Variants in CPNE8 observed in about 807,000 individuals in gnomAD.
CPNE8 encodes copine-8.
A neutral mutation model predicts 81.5 loss-of-function variants in CPNE8; 45 were observed. The observed-to-expected ratio is 0.55, with a 90% CI of 0.44 to 0.71. The LOEUF is 0.71. Ranked by LOEUF, CPNE8 falls within the 30% of genes least tolerant of loss-of-function variation. The pLI is 0.00. For synonymous variants in CPNE8, 252 were observed against 226.3 expected (o/e 1.11, Z -1.02); for missense variants, 594 against 672.1 (o/e 0.88, Z 1.28).
chr12:38,894,064 A>T (rs1944351210), intron 1 of CPNE8, among the ~76,000 whole-genome samples: 1 of 152,144 alleles, frequency 6.6e-6, no homozygotes, highest in Admixed American at 6.6e-5. Context: ...CCTCCAAGTA[A>T]TATCATAGGT....
At chr12:38,853,531 CTA>C (rs780395895) in intron 3 of CPNE8, among the ~76,000 whole-genome samples, 1 of 151,784 alleles carries the variant, frequency 6.6e-6, no homozygotes, top group South Asian at 2.1e-4. Flanking sequence ...AATTAGGAAA[CTA>C]TTCTTTTATT....
rs971731183 is a variant in CPNE8 at position 38,669,030 on chromosome 12, G to A, written c.1506+1699C>T. ...GATCACACCACTGCACTCCAGCCTGGGCAACAGCGAGACTCTGCCTCAAAA... is the reference window on the plus strand; with the variant it reads ...GATCACACCACTGCACTCCAGCCTGAGCAACAGCGAGACTCTGCCTCAAAA... On this transcript the variant is annotated intron_variant, in intron 19 of 19. Transcript: ENST00000331366. Among the ~76,000 whole-genome samples the A allele has an allele frequency of 4.1e-5, 6 of 147,922 alleles. No individual in the cohort carries two copies. In the East Asian group the frequency reaches 1.2e-3, roughly 29 times the overall value.
Position 38,676,515 on chromosome 12 carries a change from C to T in CPNE8, c.1375-741G>A, listed in dbSNP as rs112277197. 1.7e-3 allele frequency among the ~76,000 whole-genome samples: 264 copies of T among 152,250 alleles called. 1 individual carries two copies. The highest frequency in any genetic ancestry group is 6.0e-3 in the African/African-American group (251 of 41,540). ...AAAATAGTAGTAGTACCATAATCTACCTCATTTATACCCAAGGTTAGAAAA... is the reference window on the plus strand; with the variant it reads ...AAAATAGTAGTAGTACCATAATCTATCTCATTTATACCCAAGGTTAGAAAA... On this transcript the variant is annotated intron_variant, in intron 17 of 19. Transcript: ENST00000331366.
chr12:38,682,903 T>C (rs1300017920), intron 16 of CPNE8, among the ~76,000 whole-genome samples: 1 of 152,172 alleles, frequency 6.6e-6, no homozygotes, highest in African/African-American at 2.4e-5. Flanking sequence ...TGCACTTAAA[T>C]TTATGACAAG....
intron 3 of CPNE8, 58 bp from the exon 4 acceptor site, chr12:38,848,720 A>G (rs1393202184): frequency 6.1e-6 from 9 of 1,482,656 alleles, no homozygotes; most frequent in Non-Finnish European, 8.0e-6. Context: ...TATTACAAGT[A>G]TAGTACTTAA....
chr12:38,761,711 C>T (rs1161371837), intron 9 of CPNE8, among the ~76,000 whole-genome samples: 1 of 152,130 alleles, frequency 6.6e-6, no homozygotes, highest in Non-Finnish European at 1.5e-5. Flanking sequence ...CTCAGGACCA[C>T]CTTACCCAGC....
At chr12:38,884,760 A>G (rs764576401) in intron 1 of CPNE8, among the ~76,000 whole-genome samples, 60 of 152,246 alleles carry the variant, frequency 3.9e-4, no homozygotes, top group South Asian at 8.3e-4. Flanking sequence ...CCTGATCACC[A>G]CACGTTTTAT....
rs144902169 is a variant in CPNE8, at chr12:38,745,713, A to T, written c.722+15134T>A. Reference sequence around the variant, plus strand: ...GTGCACCACCATGCTGGGCTAATTTAAAAAAATTATTTGTAGAGACAAGGT... The same window carrying T: ...GTGCACCACCATGCTGGGCTAATTTTAAAAAATTATTTGTAGAGACAAGGT... On this transcript the variant is annotated intron_variant, in intron 10 of 19. Coordinates refer to ENST00000331366, the MANE Select transcript of CPNE8 (RefSeq NM_153634.3). Among the ~76,000 whole-genome samples the T allele has an allele frequency of 4.7e-3, 711 of 152,176 alleles. 5 individuals are homozygous for T. The highest frequency in any genetic ancestry group is 0.016 in the African/African-American group (660 of 41,526).
chr12:38,830,524 C>T (rs763404120), intron 5 of CPNE8, among the ~76,000 whole-genome samples: 10 of 152,130 alleles, frequency 6.6e-5, no homozygotes, highest in Non-Finnish European at 1.0e-4. Context: ...GGGAAAGACA[C>T]GTGCCTTCTA....
chr12:38,691,129 A>ATGTACATATGTAC (rs1939666350), intron 15 of CPNE8, among the ~76,000 whole-genome samples: 1 of 152,214 alleles, frequency 6.6e-6, no homozygotes, highest in Non-Finnish European at 1.5e-5. Context: ...TCATGGTGTT[A>ATGTACATATGTAC]ATATAAGCAT....
At chr12:38,748,552 G>A (rs1310167081) in intron 10 of CPNE8, among the ~76,000 whole-genome samples, 2 of 151,736 alleles carry the variant, frequency 1.3e-5, no homozygotes, top group African/African-American at 4.8e-5. Context: ...CCAGGCTGGA[G>A]TGCAGTGGCG....
At chr12:38,707,885 A>C (rs1009392695) in intron 13 of CPNE8, among the ~76,000 whole-genome samples, 3 of 152,184 alleles carry the variant, frequency 2.0e-5, no homozygotes, top group Non-Finnish European at 4.4e-5. Context: ...TGATTTATGG[A>C]GCACCTTTCA....
At chr12:38,784,488 C>T (rs1187086032) in intron 6 of CPNE8, among the ~76,000 whole-genome samples, 3 of 152,064 alleles carry the variant, frequency 2.0e-5, no homozygotes, top group Non-Finnish European at 4.4e-5. Context: ...ACTTCCCAGA[C>T]CTAGAGAAAG....
intron 1 of CPNE8, among the ~76,000 whole-genome samples, chr12:38,895,273 T>C (rs1416336310): frequency 6.6e-6 from 1 of 152,042 alleles, no homozygotes; most frequent in East Asian, 1.9e-4. Flanking sequence ...TGGAATTAAG[T>C]ATTACTGAAA....
chr12:38,810,058 A>G (rs1363428394), intron 6 of CPNE8, among the ~76,000 whole-genome samples: 1 of 152,186 alleles, frequency 6.6e-6, no homozygotes, highest in African/African-American at 2.4e-5. Flanking sequence ...GGTAGCAAGA[A>G]ATTGCAATTG....
chr12:38,897,711 T>C (rs1373858904), intron 1 of CPNE8, among the ~76,000 whole-genome samples: 1 of 151,712 alleles, frequency 6.6e-6, no homozygotes, highest in African/African-American at 2.4e-5. Context: ...AGAATATAAA[T>C]GTGATGCTAT....
intron 14 of CPNE8, among the ~76,000 whole-genome samples, chr12:38,696,797 C>G (rs1245093646): frequency 6.6e-6 from 1 of 152,174 alleles, no homozygotes; most frequent in Non-Finnish European, 1.5e-5. Context: ...GTAATCCCAG[C>G]ACTTTGGGAG....
intron 6 of CPNE8, among the ~76,000 whole-genome samples, chr12:38,807,625 G>A (rs1165046014): frequency 9.2e-5 from 14 of 151,722 alleles, no homozygotes; most frequent in African/African-American, 2.4e-4. Context: ...AGACTTAAAC[G>A]TTAGACCTAA....
chr12:38,812,651 C>T (rs1455700808), intron 6 of CPNE8, among the ~76,000 whole-genome samples: 1 of 152,108 alleles, frequency 6.6e-6, no homozygotes, highest in Non-Finnish European at 1.5e-5. Flanking sequence ...CAAACCATAT[C>T]AGTTGGGAAG....
Sources: allele counts gnomAD v4.1 joint callset (sites outside exome capture counted in the v4.1 genomes callset), GRCh38; gene constraint gnomAD v4.1.1; transcripts MANE v1.5; gene names NCBI Gene and HGNC (gene_info 2026-07-23, HGNC 2026-07-21).